NUP93: variants seen among roughly 807,000 people sequenced by gnomAD.
NUP93 encodes nucleoporin 93.
NUP93 carries 55 observed loss-of-function variants against 107.8 expected under a neutral mutation model. The ratio of observed to expected loss-of-function variants is 0.51; its 90% confidence interval spans 0.41 to 0.64. NUP93 has a LOEUF of 0.64. Among genes scored for constraint, NUP93 ranks in the 30% least tolerant of loss-of-function variants. The pLI is 0.00. For synonymous variants in NUP93, 390 were observed against 397.5 expected (o/e 0.98, Z 0.22); for missense variants, 937 against 1,044.7 (o/e 0.90, Z 1.42).
At chr16:56,805,824 T>C (rs1963125805) in intron 5 of NUP93, 192 bp downstream of exon 5, 1 of 589,408 alleles carries the variant, frequency 1.7e-6, no homozygotes, top group Non-Finnish European at 3.0e-6. Flanking sequence ...CTCAGTCTCC[T>C]TTGCTGAGCT....
At chr16:56,778,878 T>C (rs1962463373) in intron 3 of NUP93, among the ~76,000 whole-genome samples, 1 of 152,156 alleles carries the variant, frequency 6.6e-6, no homozygotes, top group African/African-American at 2.4e-5. Context: ...AGAAGAATTG[T>C]GGCAGTAGAA....
chr16:56,821,620 A>G, intron 7 of NUP93, 27 bp downstream of exon 7: 1 of 1,523,654 alleles, frequency 6.6e-7, no homozygotes, highest in Non-Finnish European at 9.1e-7. Flanking sequence ...ACTCAAGTAG[A>G]AACCGGGGTC....
At chr16:56,808,880 A>G (rs1297668511) in intron 5 of NUP93, among the ~76,000 whole-genome samples, 2 of 149,894 alleles carry the variant, frequency 1.3e-5, no homozygotes. Flanking sequence ...TATCATTCAG[A>G]TATTAAAGCA....
At chr16:56,744,759 GAT>G (rs1265665509) in intron 1 of NUP93, among the ~76,000 whole-genome samples, 69 of 152,312 alleles carry the variant, frequency 4.5e-4, no homozygotes, top group African/African-American at 1.6e-3. Context: ...GACCAAGTGT[GAT>G]ATGAATTCAT....
At chr16:56,786,754 G>A (rs984204396) in intron 3 of NUP93, among the ~76,000 whole-genome samples, 31 of 152,342 alleles carry the variant, frequency 2.0e-4, no homozygotes, top group African/African-American at 7.2e-4. Flanking sequence ...CTAGGATGGA[G>A]CCAGGCATTC....
chr16:56,749,127 C>T (rs1961873046), intron 2 of NUP93, among the ~76,000 whole-genome samples: 1 of 152,200 alleles, frequency 6.6e-6, no homozygotes, highest in African/African-American at 2.4e-5. Context: ...TCTGGACCAT[C>T]TCTGGGGTGA....
chr16:56,757,271 A>G lies in NUP93; in HGVS notation c.180-1267A>G, dbSNP rs187020271. ...TACTAAGTTACTCAAAGTGAACACA[A>G]ATGTTATCAGTGAGAGTTTTTGGTA... On this transcript the variant is annotated intron_variant, in intron 2 of 21. Coordinates refer to ENST00000308159, the MANE Select transcript of NUP93 (RefSeq NM_014669.5). 6.6e-5 allele frequency among the ~76,000 whole-genome samples: 10 copies of G among 152,322 alleles called. No individual in the cohort carries two copies. In the East Asian group the frequency reaches 1.5e-3, roughly 24 times the overall value.
rs1053587632 is a variant in NUP93, at chr16:56,837,818, A to G, written c.2018+92A>G. On this transcript the variant is annotated intron_variant, in intron 18 of 21. Coordinates refer to ENST00000308159, the MANE Select transcript of NUP93 (RefSeq NM_014669.5). The stretch of plus-strand genomic sequence containing the variant: ...ACCCAAATGCATGTTCAGCTTTACT[A>G]GGTAACAGCAGACAGCTTTCCAAAG... 38 of 865,294 alleles carry G rather than the reference A, an allele frequency of 4.4e-5. 1 individual carries two copies. The highest frequency in any genetic ancestry group is 5.0e-4 in the Middle Eastern group (2 of 4,038). The allele number at this position is 865,294 out of a possible 1,614,324, so 53.6% of individuals were successfully genotyped here.
At chr16:56,841,577 G>A (rs574268693) in intron 20 of NUP93, 128 bp from the exon 21 acceptor site, 18 of 1,155,874 alleles carry the variant, frequency 1.6e-5, no homozygotes, top group Admixed American at 2.3e-5. Flanking sequence ...TGACTGTGTG[G>A]CTCTCCACCT....
chr16:56,746,475 G>A (rs1181991017), intron 1 of NUP93, among the ~76,000 whole-genome samples: 1 of 152,216 alleles, frequency 6.6e-6, no homozygotes, highest in African/African-American at 2.4e-5. Flanking sequence ...GAGGTTAAGA[G>A]TTATTGTGTA....
Position 56,842,706 on chromosome 16 carries a change from C to T in NUP93, c.2349+873C>T. 2 of 414,764 alleles carry T rather than the reference C, an allele frequency of 4.8e-6. 1 individual carries two copies. The highest frequency in any genetic ancestry group is 3.6e-5 in the South Asian group (2 of 56,042). The allele number at this position is 414,764 out of a possible 1,614,324, so 25.7% of individuals were successfully genotyped here. On this transcript the variant is annotated intron_variant, in intron 21 of 21. Coordinates refer to ENST00000308159, the MANE Select transcript of NUP93 (RefSeq NM_014669.5). ...TAGCTGGGACTACAGGTACGCACCACCACACCCAGCGGAGTTTTGTACTTT... is the reference window on the plus strand; with the variant it reads ...TAGCTGGGACTACAGGTACGCACCATCACACCCAGCGGAGTTTTGTACTTT...
intron 20 of NUP93, among the ~76,000 whole-genome samples, chr16:56,840,156 G>A (rs1480434123): frequency 6.6e-6 from 1 of 152,162 alleles, no homozygotes; most frequent in Admixed American, 6.6e-5. Context: ...GAGTAGCTGG[G>A]ACTACAGGTG....
chr16:56,756,304 C>CCCCCA (rs1555490763), intron 2 of NUP93, among the ~76,000 whole-genome samples: 1 of 86,854 alleles, frequency 1.2e-5, no homozygotes, highest in South Asian at 6.7e-4. Flanking sequence ...TGCCCCCCCC[C>CCCCCA]CCCCCGACAG....
chr16:56,782,024 TTTC>T (rs1962524960), intron 3 of NUP93: 1 of 985,464 alleles, frequency 1.0e-6, no homozygotes, highest in Non-Finnish European at 1.2e-6. Context: ...TCTTTTCCTT[TTTC>T]TTCTTTCTCT....
intron 2 of NUP93, among the ~76,000 whole-genome samples, chr16:56,757,591 A>G (rs566163111): frequency 9.2e-5 from 14 of 152,324 alleles, no homozygotes; most frequent in African/African-American, 3.4e-4. Context: ...TTAAAAAACT[A>G]CCCTTGCATT....
chr16:56,734,623 C>T (rs901701721), intron 1 of NUP93, among the ~76,000 whole-genome samples: 11 of 135,716 alleles, frequency 8.1e-5, no homozygotes, highest in Admixed American at 5.9e-4. Flanking sequence ...ACTATATCAC[C>T]CAGATGTGAC....
At chr16:56,797,837 A>G (rs1269748980) in intron 3 of NUP93, among the ~76,000 whole-genome samples, 2 of 152,234 alleles carry the variant, frequency 1.3e-5, no homozygotes, top group African/African-American at 2.4e-5. Context: ...TTCAAAGCCT[A>G]TCCTTTTGGC....
At chr16:56,759,375 C>T (rs570116489) in intron 3 of NUP93, among the ~76,000 whole-genome samples, 4 of 152,298 alleles carry the variant, frequency 2.6e-5, no homozygotes, top group Non-Finnish European at 4.4e-5. Flanking sequence ...TCTGCAGAGG[C>T]AAATTCTAGT....
chr16:56,733,851 G>A (rs1395617069), intron 1 of NUP93, among the ~76,000 whole-genome samples: 1 of 152,012 alleles, frequency 6.6e-6, no homozygotes, highest in East Asian at 1.9e-4. Flanking sequence ...CTTTTTTATA[G>A]CTTCAACTGT....
Sources: gnomAD v4.1 joint callset for allele counts (sites outside exome capture counted in the v4.1 genomes callset) on GRCh38, gnomAD v4.1.1 for gene constraint, MANE v1.5 for transcripts, NCBI Gene and HGNC (gene_info 2026-07-23, HGNC 2026-07-21) for gene names.